MMP26: variants seen among roughly 807,000 people sequenced by gnomAD.
MMP26 encodes matrix metalloproteinase-26.
Under a neutral mutation model 31.0 loss-of-function variants are expected in MMP26, and 33 were observed. The observed-to-expected ratio is 1.06, with a 90% confidence interval of 0.81 to 1.42. MMP26 has a LOEUF of 1.42. Ranked by LOEUF, MMP26 falls within the 40% of genes most tolerant of loss-of-function variation. The pLI is 0.00. For synonymous variants in MMP26, 122 were observed against 114.9 expected, an observed-to-expected ratio of 1.06 and a Z score of -0.40; for missense variants, 347 against 316.1, an observed-to-expected ratio of 1.10 and a Z score of -0.74.
In MMP26 at chr11:4,975,001, A is replaced by G. The variant is rs555391577; in HGVS notation, c.-144-13067A>G. 2.6e-5 allele frequency among the ~76,000 whole-genome samples: 4 copies of G among 152,080 alleles called. 1 individual carries two copies. The highest frequency in any genetic ancestry group is 7.3e-5 in the African/African-American group (3 of 41,356). ...GAGTATTAGGAGAAATAGCTAATGCATGCTGGGCTTAATACCTAGGTGATG... is the reference window on the plus strand; with the variant it reads ...GAGTATTAGGAGAAATAGCTAATGCGTGCTGGGCTTAATACCTAGGTGATG... On this transcript the variant is annotated intron_variant, in intron 2 of 7. Transcript: ENST00000380390.
intron 2 of MMP26, among the ~76,000 whole-genome samples, chr11:4,942,605 T>C (rs924024457): frequency 6.6e-6 from 1 of 152,216 alleles, no homozygotes; most frequent in African/African-American, 2.4e-5. Flanking sequence ...TTATATTTTA[T>C]TGAACTATTT....
intron 2 of MMP26, among the ~76,000 whole-genome samples, chr11:4,784,711 T>C (rs1848911099): frequency 6.6e-6 from 1 of 152,214 alleles, no homozygotes; most frequent in Admixed American, 6.5e-5. Context: ...AGAACAGAGA[T>C]GGTACATTTG....
intron 2 of MMP26, among the ~76,000 whole-genome samples, chr11:4,962,549 A>G (rs188740975): frequency 6.6e-6 from 1 of 152,224 alleles, no homozygotes; most frequent in South Asian, 2.1e-4. Flanking sequence ...GGTTTCACAT[A>G]TCTCTACCCC....
intron 2 of MMP26, among the ~76,000 whole-genome samples, chr11:4,956,835 C>G (rs2133616448): frequency 6.6e-6 from 1 of 152,296 alleles, no homozygotes; most frequent in South Asian, 2.1e-4. Flanking sequence ...AGCCAAATAT[C>G]TGAGATTCTT....
intron 1 of MMP26, among the ~76,000 whole-genome samples, chr11:4,720,402 A>G (rs1847993975): frequency 6.6e-6 from 1 of 152,234 alleles, no homozygotes; most frequent in Non-Finnish European, 1.5e-5. Context: ...TGGGATTTAT[A>G]ATGCTATGCT....
intron 2 of MMP26, chr11:4,804,211 G>C (rs569448624): frequency 1.2e-6 from 2 of 1,613,992 alleles, no homozygotes; most frequent in African/African-American, 2.7e-5. Flanking sequence ...CTCATGCAGG[G>C]TGTGGTCAAT....
intron 1 of MMP26, among the ~76,000 whole-genome samples, chr11:4,709,330 G>C (rs1176778921): frequency 6.6e-6 from 1 of 152,100 alleles, no homozygotes; most frequent in African/African-American, 2.4e-5. Context: ...GTAATATAAT[G>C]GGAATCTTGC....
At chr11:4,906,623 T>G (rs574673626) in intron 2 of MMP26, among the ~76,000 whole-genome samples, 1 of 152,328 alleles carries the variant, frequency 6.6e-6, no homozygotes, top group Admixed American at 6.5e-5. Flanking sequence ...CTCTGATTAT[T>G]TTCTTAGACT....
intron 2 of MMP26, among the ~76,000 whole-genome samples, chr11:4,805,481 C>A (rs1849254835): frequency 6.6e-6 from 1 of 152,074 alleles, no homozygotes. Context: ...TTCCAATAAA[C>A]CTTTGTTTAC....
chr11:4,891,533 A>G (rs1850623142), intron 2 of MMP26, among the ~76,000 whole-genome samples: 1 of 152,178 alleles, frequency 6.6e-6, no homozygotes, highest in African/African-American at 2.4e-5. Context: ...TATCCACACC[A>G]TATCACCAGG....
chr11:4,845,098 A>G (rs1849848843), intron 2 of MMP26, among the ~76,000 whole-genome samples: 1 of 152,134 alleles, frequency 6.6e-6, no homozygotes. Context: ...GCATTTCTAT[A>G]AGCCAACAGT....
intron 1 of MMP26, chr11:4,722,662 T>G (rs1431012215): frequency 1.2e-5 from 8 of 688,940 alleles, no homozygotes; most frequent in Non-Finnish European, 2.1e-5. Context: ...TGTGCTACCC[T>G]GCACAGTGGC....
At chr11:4,711,196 T>A (rs1277406720) in intron 1 of MMP26, 1 of 152,232 alleles carries the variant, frequency 6.6e-6, no homozygotes, top group African/African-American at 2.4e-5. Context: ...ATAATTACTT[T>A]AGGGTACTGA....
chr11:4,886,059 C>T (rs1850542257), intron 2 of MMP26, among the ~76,000 whole-genome samples: 1 of 152,102 alleles, frequency 6.6e-6, no homozygotes, highest in East Asian at 1.9e-4. Flanking sequence ...TGGTAAATAA[C>T]ATGTCATCAT....
intron 2 of MMP26, among the ~76,000 whole-genome samples, chr11:4,938,893 T>G (rs1279574946): frequency 6.6e-6 from 1 of 152,118 alleles, no homozygotes; most frequent in African/African-American, 2.4e-5. Flanking sequence ...CCTTCCTGTA[T>G]AGAAGGTAGT....
In MMP26 at chr11:4,915,558, G is replaced by A. The variant is rs1225006102; in HGVS notation, c.-144-72510G>A. ...ATGGAAACCAGATACATGAAGCACAGTGGGATGGAGATCCAGATGTGCATG... is the reference window on the plus strand; with the variant it reads ...ATGGAAACCAGATACATGAAGCACAATGGGATGGAGATCCAGATGTGCATG... On this transcript the variant is annotated intron_variant, in intron 2 of 7. Transcript: ENST00000380390. 3.1e-6 allele frequency: 5 copies of A among 1,613,892 alleles called. No homozygotes were observed. In the African/African-American group the frequency reaches 6.7e-5, roughly 22 times the overall value.
At chr11:4,963,932 A>G (rs1272491447) in intron 2 of MMP26, among the ~76,000 whole-genome samples, 23 of 152,176 alleles carry the variant, frequency 1.5e-4, no homozygotes, top group Non-Finnish European at 2.9e-5. Context: ...GTATCTATTC[A>G]TGTCCTTTGA....
intron 2 of MMP26, among the ~76,000 whole-genome samples, chr11:4,843,867 C>CTT (rs1849830943): frequency 6.6e-6 from 1 of 152,060 alleles, no homozygotes; most frequent in African/African-American, 2.4e-5. Flanking sequence ...GATATAAGCT[C>CTT]TTTGTTCATG....
intron 2 of MMP26, chr11:4,787,202 T>C (rs1389033526): frequency 6.6e-6 from 1 of 152,344 alleles, no homozygotes; most frequent in Non-Finnish European, 1.5e-5. Context: ...GGTGTAGCAA[T>C]AGTCCTAAGA....
Sources: allele counts gnomAD v4.1 joint callset (sites outside exome capture counted in the v4.1 genomes callset), GRCh38; gene constraint gnomAD v4.1.1; transcripts MANE v1.5; gene names NCBI Gene and HGNC (gene_info 2026-07-23, HGNC 2026-07-21).